CWH43: variants seen among roughly 807,000 people sequenced by gnomAD.
The protein encoded by CWH43 is PGAP2-interacting protein.
CWH43 carries 91 observed loss-of-function variants against 85.7 expected under a neutral mutation model. That is an observed-to-expected ratio of 1.06 (90% CI 0.90 to 1.26). The LOEUF (loss-of-function observed/expected upper bound fraction) is 1.26, where lower values mean the gene tolerates loss of function less well. Ranked by LOEUF, CWH43 falls within the 50% of genes most tolerant of loss-of-function variation. The pLI is 0.00. For synonymous variants in CWH43, 323 were observed against 293.6 expected (o/e 1.10, Z -1.02); for missense variants, 869 against 839.2 (o/e 1.04, Z -0.44).
Position 48,998,582 on chromosome 4 carries a change from T to A in CWH43, c.802+34T>A, listed in dbSNP as rs146230326. ...AATTTACCTGCAGATAGAACACGAC[T>A]GAGCTTGGTTATCCAGTTTGTTTGC... On this transcript the variant is annotated intron_variant, in intron 6 of 15. Transcript: ENST00000226432. The A allele has an allele frequency of 7.6e-3, 11,116 of 1,466,160 alleles. 61 individuals carry two copies. The highest frequency in any genetic ancestry group is 0.012 in the Middle Eastern group (68 of 5,790). The allele number at this position is 1,466,160 out of a possible 1,614,324, so 90.8% of individuals were successfully genotyped here.
rs752897212 is a variant in CWH43 at position 48,988,659 on chromosome 4, A to G, written c.226A>G (p.Ile76Val). The G allele has an allele frequency of 6.3e-7, 1 of 1,599,318 alleles. No homozygotes were observed. Among genetic ancestry groups the G allele is most frequent in the Admixed American group, 1.7e-5 (1 of 57,242 alleles). The change falls in exon 2 of 16, where the codon ATC becomes GTC. Residue 76 changes from isoleucine (I) to valine (V), a missense_variant. Transcript: ENST00000226432. ...GTGGATGCTAACCCTGCTGAGGATA[A>G]TCACTATTGGTAAGATTTAAAAGAG... Reference protein sequence around the residue: ...KKWMLTLLRIITIGSIASFQA... With the variant: ...KKWMLTLLRIVTIGSIASFQA...
At chr4:48,990,760 A>C (rs1782635273) in intron 2 of CWH43, among the ~76,000 whole-genome samples, 1 of 152,214 alleles carries the variant, frequency 6.6e-6, no homozygotes, top group African/African-American at 2.4e-5. Flanking sequence ...CATATGATCT[A>C]ACAACTCTAT....
At chr4:49,002,955 T>C (rs1311028704) in intron 6 of CWH43, among the ~76,000 whole-genome samples, 3 of 152,130 alleles carry the variant, frequency 2.0e-5, no homozygotes, top group Non-Finnish European at 4.4e-5. Context: ...ACAACATGGA[T>C]TGGAATGTTT....
At position 48,988,655 on chromosome 4, in the gene CWH43, G is replaced by A. The variant is rs765487564; in HGVS notation, c.222G>A (p.Arg74=). The A allele has an allele frequency of 6.3e-7, 1 of 1,599,468 alleles. No homozygotes were observed. Among genetic ancestry groups the A allele is most frequent in the Non-Finnish European group, 8.5e-7 (1 of 1,174,046 alleles). ...AGAAGTGGATGCTAACCCTGCTGAG[G>A]ATAATCACTATTGGTAAGATTTAAA... is the stretch of plus-strand genomic sequence containing the variant. ...VNKKWMLTLL[R]IITIGSIASF... The change falls in exon 2 of 16, where the codon AGG becomes AGA. Residue 74 remains arginine, a synonymous_variant. Coordinates refer to ENST00000226432, the MANE Select transcript of CWH43 (RefSeq NM_025087.3).
chr4:49,021,595 G>T (rs1379336503), intron 9 of CWH43, among the ~76,000 whole-genome samples: 1 of 151,982 alleles, frequency 6.6e-6, no homozygotes, highest in Non-Finnish European at 1.5e-5. Context: ...GAATGATGGT[G>T]GTATTTTAAT....
chr4:49,021,701 G>A (rs1783755645), intron 9 of CWH43, among the ~76,000 whole-genome samples: 1 of 152,088 alleles, frequency 6.6e-6, no homozygotes, highest in Non-Finnish European at 1.5e-5. Flanking sequence ...GTTTGCATTT[G>A]TTTGTGTCAT....
chr4:48,995,187 T>C (rs1437544722), intron 5 of CWH43, among the ~76,000 whole-genome samples: 1 of 152,160 alleles, frequency 6.6e-6, no homozygotes, highest in East Asian at 1.9e-4. Flanking sequence ...GTTATGGTTA[T>C]GGGCATTTAG....
Position 49,003,903 on chromosome 4 carries a change from T to C in CWH43, c.971T>C (p.Leu324Pro), listed in dbSNP as rs746283972. ...KTMTIAMIFYLLEIFFCAWCT... is the reference protein window; with the variant it reads ...KTMTIAMIFYPLEIFFCAWCT... The stretch of plus-strand genomic sequence containing the variant: ...ATGACCATTGCCATGATATTTTATC[T>C]TCTAGAAATATTTTTCTGTGCCTGG... Residue 324 changes from leucine (L) to proline (P), a missense_variant, in exon 7 of 16, where the codon CTT (leucine) becomes CCT (proline). Transcript: ENST00000226432. 3 of 1,613,820 alleles carry C rather than the reference T, an allele frequency of 1.9e-6. No homozygotes were observed. The highest frequency in any genetic ancestry group is 2.2e-5 in the South Asian group (2 of 91,090).
intron 15 of CWH43, among the ~76,000 whole-genome samples, chr4:49,057,583 T>C (rs1478468834): frequency 1.3e-5 from 2 of 152,200 alleles, no homozygotes; most frequent in Admixed American, 6.5e-5. Flanking sequence ...AAAGAATGTA[T>C]ACTCTGCGGC....
At chr4:48,998,406 G>A in intron 5 of CWH43, 54 bp from the exon 6 acceptor site, 2 of 1,319,966 alleles carry the variant, frequency 1.5e-6, no homozygotes, top group Admixed American at 3.4e-5. Flanking sequence ...TTTATATTCG[G>A]GATGATGAAA....
chr4:48,990,598 G>T (rs571322618), intron 2 of CWH43, among the ~76,000 whole-genome samples: 232 of 152,170 alleles, frequency 1.5e-3, no homozygotes, highest in African/African-American at 5.5e-3. Flanking sequence ...GATTATTTTT[G>T]ATCCACCAGA....
chr4:49,051,019 C>T (rs1162636387), intron 15 of CWH43, among the ~76,000 whole-genome samples, 170 bp downstream of exon 15: 2 of 152,174 alleles, frequency 1.3e-5, no homozygotes, highest in East Asian at 1.9e-4. Context: ...AGTTACGGTG[C>T]TTGCTTTCTG....
intron 6 of CWH43, among the ~76,000 whole-genome samples, chr4:48,999,423 C>T (rs1782921690): frequency 6.6e-6 from 1 of 152,182 alleles, no homozygotes; most frequent in African/African-American, 2.4e-5. Context: ...AATTTATATT[C>T]CTTTGGGTAC....
rs1193026349 is a variant in CWH43 at position 48,986,437 on chromosome 4, C to T, written c.8C>T (p.Ser3Leu). 5.8e-6 allele frequency: 9 copies of T among 1,548,916 alleles called. No homozygotes were observed. The highest frequency in any genetic ancestry group is 2.0e-5 in the Admixed American group (1 of 51,102). The change falls in exon 1 of 16, where the codon TCG (serine) becomes TTG (leucine). Residue 3 changes from serine (S) to leucine (L), a missense_variant. Physicochemically the swap from Ser to Leu is moderately radical, Grantham distance 145 (BLOSUM62 -2). Transcript: ENST00000226432. MP[S>L]LWREILLESL... Reference sequence around the variant, plus strand: ...CTGCCCCTCGCCGCGGCGATGCCCTCGCTGTGGAGAGAAATCCTCTTGGAG... The same window carrying T: ...CTGCCCCTCGCCGCGGCGATGCCCTTGCTGTGGAGAGAAATCCTCTTGGAG...
intron 14 of CWH43, among the ~76,000 whole-genome samples, chr4:49,049,412 C>A (rs2109837642): frequency 6.6e-6 from 1 of 152,154 alleles, no homozygotes; most frequent in Admixed American, 6.5e-5. Context: ...TTGCAGTGGC[C>A]TCATAACTTG....
rs552554845 is a variant in CWH43, at chr4:49,055,726, A to C, written c.2021+4877A>C. On this transcript the variant is annotated intron_variant, in intron 15 of 15. Transcript: ENST00000226432. The stretch of plus-strand genomic sequence containing the variant: ...TGCCTCAGCCTCCTGAGTAGCTGCG[A>C]TTATAGGCGCCTACCACCACACCCA... Among the ~76,000 whole-genome samples, 4 of 151,872 alleles carry C rather than the reference A, an allele frequency of 2.6e-5. No homozygotes were observed. The South Asian group carries it at 6.2e-4, about 24-fold the overall frequency.
intron 8 of CWH43, among the ~76,000 whole-genome samples, 197 bp downstream of exon 8, chr4:49,007,523 C>T (rs577767894): frequency 5.3e-4 from 80 of 152,160 alleles, no homozygotes; most frequent in African/African-American, 1.7e-3. Context: ...ATGTGCACAA[C>T]GTGCAGGTTT....
rs567918699 is a variant in CWH43 at position 49,040,958 on chromosome 4, A to T, written c.1803+2778A>T. Among the ~76,000 whole-genome samples, 43 of 152,322 alleles carry T rather than the reference A, an allele frequency of 2.8e-4. 1 individual carries two copies. The highest frequency in any genetic ancestry group is 2.4e-3 in the Admixed American group (36 of 15,300). On this transcript the variant is annotated intron_variant, in intron 13 of 15. Coordinates refer to ENST00000226432, the MANE Select transcript of CWH43 (RefSeq NM_025087.3). ...AAGGGATCCAGTTTCAGCTTTCTGC[A>T]TATGGTTAGCCAGTTTTCCCAGCAC...
chr4:49,031,085 T>G (rs1784082235), intron 11 of CWH43, 125 bp downstream of exon 11: 1 of 898,112 alleles, frequency 1.1e-6, no homozygotes. Context: ...TCTTGGGGGA[T>G]GAGGAGGTGC....
Sources: gnomAD v4.1 joint callset for allele counts (sites outside exome capture counted in the v4.1 genomes callset) on GRCh38, gnomAD v4.1.1 for gene constraint, MANE v1.5 for transcripts, NCBI Gene and HGNC (gene_info 2026-07-23, HGNC 2026-07-21) for gene names.